Variants in ASTN2 observed in about 807,000 individuals in gnomAD.
The protein encoded by ASTN2 is astrotactin 2, also known as astrotactin-2.
In ASTN2, 54 loss-of-function variants were observed where a neutral mutation model predicts 139.8. The ratio of observed to expected loss-of-function variants is 0.39; its 90% CI spans 0.31 to 0.48. The LOEUF (loss-of-function observed/expected upper bound fraction) is 0.48. Among genes scored for constraint, ASTN2 ranks in the 20% least tolerant of loss-of-function variants. The probability of loss-of-function intolerance (pLI) is 0.95; values close to 1 mark genes in which losing one functional copy is unlikely to be tolerated. For missense variants in ASTN2, 1,565 were observed against 1,725.1 expected (o/e 0.91, Z 1.64); for synonymous variants, 756 against 719.5 (o/e 1.05, Z -0.81).
At chr9:116,718,972 G>GTGTATATA (rs56991546) in intron 16 of ASTN2, among the ~76,000 whole-genome samples, 2,366 of 100,040 alleles carry the variant, frequency 0.024, 171 homozygotes, top group Middle Eastern at 0.11. Flanking sequence ...ACCTGTATCT[G>GTGTATATA]TACATATATA....
chr9:116,791,877 G>A (rs904715077), intron 13 of ASTN2, among the ~76,000 whole-genome samples: 2 of 152,118 alleles, frequency 1.3e-5, no homozygotes, highest in Non-Finnish European at 2.9e-5. Context: ...AACCAAAAAA[G>A]GGGGGAAAGC....
chr9:116,725,995 T>C, intron 15 of ASTN2, 45 bp from the exon 16 acceptor site: 1 of 1,558,034 alleles, frequency 6.4e-7, no homozygotes, highest in Non-Finnish European at 8.7e-7. Context: ...TGTGAGAGGC[T>C]GGCGGCTAGC....
intron 1 of ASTN2, among the ~76,000 whole-genome samples, chr9:117,359,323 A>G (rs574247922): frequency 1.3e-5 from 2 of 152,304 alleles, no homozygotes; most frequent in African/African-American, 4.8e-5. Flanking sequence ...CACAATGTAA[A>G]TGCAAGGAAT....
At chr9:116,837,855 A>G (rs1832053239) in intron 11 of ASTN2, among the ~76,000 whole-genome samples, 1 of 152,178 alleles carries the variant, frequency 6.6e-6, no homozygotes, top group Non-Finnish European at 1.5e-5. Flanking sequence ...ATTCTTTGCT[A>G]CAAACTTGGG....
chr9:116,695,732 T>G (rs1027289816), intron 16 of ASTN2, among the ~76,000 whole-genome samples: 2 of 152,148 alleles, frequency 1.3e-5, no homozygotes, highest in Non-Finnish European at 2.9e-5. Flanking sequence ...CATTCTGATT[T>G]GGGGTATACG....
At chr9:116,724,031 TGA>T (rs1828547820) in intron 16 of ASTN2, among the ~76,000 whole-genome samples, 1 of 152,152 alleles carries the variant, frequency 6.6e-6, no homozygotes, top group Admixed American at 6.5e-5. Context: ...TTTTCTGGAA[TGA>T]GAAAGTCAAG....
chr9:117,343,008 G>T (rs535543553), intron 1 of ASTN2, among the ~76,000 whole-genome samples: 1 of 152,252 alleles, frequency 6.6e-6, no homozygotes, highest in South Asian at 2.1e-4. Flanking sequence ...CCAAAGTTAG[G>T]CAAGGGGAAT....
intron 5 of ASTN2, among the ~76,000 whole-genome samples, chr9:117,094,997 C>A (rs1224474028): frequency 6.6e-6 from 1 of 152,180 alleles, no homozygotes; most frequent in Non-Finnish European, 1.5e-5. Context: ...AGAATGCATG[C>A]AGCATGGTTT....
At chr9:117,029,167 G>A (rs2132630131) in intron 6 of ASTN2, among the ~76,000 whole-genome samples, 1 of 152,264 alleles carries the variant, frequency 6.6e-6, no homozygotes, top group South Asian at 2.1e-4. Context: ...TTAAATTTGA[G>A]GATAATAACT....
intron 1 of ASTN2, among the ~76,000 whole-genome samples, chr9:117,376,192 C>T (rs1205434576): frequency 6.6e-6 from 1 of 152,162 alleles, no homozygotes; most frequent in Non-Finnish European, 1.5e-5. Flanking sequence ...CAGAAGCACA[C>T]TTAACTGTAG....
chr9:116,547,229 A>T (rs1852136012), intron 19 of ASTN2: 1 of 152,210 alleles, frequency 6.6e-6, no homozygotes, highest in Admixed American at 6.5e-5. Flanking sequence ...TTTGGTGATA[A>T]CAGCAATAAT....
At chr9:117,327,026 T>G (rs1828539497) in intron 1 of ASTN2, among the ~76,000 whole-genome samples, 1 of 152,054 alleles carries the variant, frequency 6.6e-6, no homozygotes, top group Admixed American at 6.6e-5. Flanking sequence ...GGGGGACTGG[T>G]TTTGGGATAA....
chr9:117,015,969 T>C (rs923349382), intron 6 of ASTN2, among the ~76,000 whole-genome samples: 2 of 152,114 alleles, frequency 1.3e-5, no homozygotes, highest in African/African-American at 2.4e-5. Flanking sequence ...CATTTTTCCT[T>C]AACCACCTCC....
intron 2 of ASTN2, among the ~76,000 whole-genome samples, chr9:117,274,359 T>C (rs111938823): frequency 2.0e-5 from 3 of 151,258 alleles, no homozygotes; most frequent in African/African-American, 7.3e-5. Flanking sequence ...CAAAAAAAAA[T>C]AGTCTGGGTT....
chr9:117,007,256 C>T (rs2132584255), intron 7 of ASTN2, among the ~76,000 whole-genome samples: 1 of 152,274 alleles, frequency 6.6e-6, no homozygotes, highest in South Asian at 2.1e-4. Flanking sequence ...CTTTGTACAT[C>T]ATTCTTTTCC....
At chr9:116,718,896 A>C (rs989303150) in intron 16 of ASTN2, among the ~76,000 whole-genome samples, 2 of 148,994 alleles carry the variant, frequency 1.3e-5, no homozygotes, top group East Asian at 2.0e-4. Flanking sequence ...TCTCAGCCTC[A>C]ATAATTATGT....
chr9:116,969,932 T>C (rs1836137157), intron 10 of ASTN2, among the ~76,000 whole-genome samples: 3 of 152,180 alleles, frequency 2.0e-5, no homozygotes, highest in Admixed American at 2.0e-4. Flanking sequence ...TCGGTATCCC[T>C]GGGCCAAAAT....
At chr9:116,525,528 CAT>C (rs766769744) in intron 19 of ASTN2, among the ~76,000 whole-genome samples, 1 of 152,134 alleles carries the variant, frequency 6.6e-6, no homozygotes, top group Non-Finnish European at 1.5e-5. Context: ...TGGCCACTGT[CAT>C]ATATATAATC....
chr9:116,602,681 C>T (rs1015234199), intron 19 of ASTN2, among the ~76,000 whole-genome samples: 5 of 152,116 alleles, frequency 3.3e-5, no homozygotes, highest in Admixed American at 6.5e-5. Context: ...GTAATCCCAG[C>T]ACTTTGGGAG....
Sources: gnomAD v4.1 joint callset for allele counts (sites outside exome capture counted in the v4.1 genomes callset) on GRCh38, gnomAD v4.1.1 for gene constraint, MANE v1.5 for transcripts, NCBI Gene and HGNC (gene_info 2026-07-23, HGNC 2026-07-21) for gene names.